CCT4: variants seen among roughly 807,000 people sequenced by gnomAD.
CCT4 encodes chaperonin containing TCP1 subunit 4.
Under a neutral mutation model 62.5 loss-of-function variants are expected in CCT4, and 17 were observed. The observed-to-expected ratio is 0.27, with a 90% CI of 0.19 to 0.41. The LOEUF (loss-of-function observed/expected upper bound fraction) is 0.41. Ranked by LOEUF, CCT4 falls within the 10% of genes least tolerant of loss-of-function variation. CCT4 has a pLI of 1.00. For missense variants in CCT4, 592 were observed against 659.2 expected (o/e 0.90, Z 1.12); for synonymous variants, 250 against 229.9 (o/e 1.09, Z -0.79).
At position 61,883,561 on chromosome 2, in the gene CCT4, T is replaced by G. The variant is rs1669163901; in HGVS notation, c.181-13A>C. The G allele has an allele frequency of 7.2e-7, 1 of 1,383,608 alleles. No homozygotes were observed. Among genetic ancestry groups the G allele is most frequent in the East Asian group, 2.3e-5 (1 of 43,738 alleles). The allele number at this position is 1,383,608 out of a possible 1,614,324, so 85.7% of individuals were successfully genotyped here. A position where few individuals can be genotyped will look rare whatever the true frequency, so the allele number is the denominator to read the frequency against. ...TTCCATCTTGAATCTAGAAAAAAAATTTTAAAGTTATATTTCAATGTCACA... is the reference window on the plus strand; with the variant it reads ...TTCCATCTTGAATCTAGAAAAAAAAGTTTAAAGTTATATTTCAATGTCACA... On this transcript the variant is annotated splice_polypyrimidine_tract_variant and intron_variant, in intron 2 of 13. Coordinates refer to ENST00000394440, the MANE Select transcript of CCT4 (RefSeq NM_006430.4).
chr2:61,868,792 A>T (rs991926329), intron 13 of CCT4, 86 bp from the exon 14 acceptor site: 28 of 953,378 alleles, frequency 2.9e-5, no homozygotes, highest in Non-Finnish European at 1.7e-6. Flanking sequence ...ATAAAAGGAA[A>T]ACCTGTATTA....
chr2:61,883,833 A>G (rs1047782693), intron 2 of CCT4, among the ~76,000 whole-genome samples: 11 of 151,892 alleles, frequency 7.2e-5, no homozygotes, highest in Non-Finnish European at 1.2e-4. Flanking sequence ...AAAATATTAT[A>G]AAGAAGCACT....
rs765189069 is a variant in CCT4 at position 61,888,465 on chromosome 2, C to T, written c.43G>A (p.Ala15Thr). 6.8e-6 allele frequency: 11 copies of T among 1,611,946 alleles called. No individual in the cohort carries two copies. In the Admixed American group the frequency reaches 1.5e-4, roughly 22 times the overall value. ...GCGCCTTTCCCGCGGCCGCCGGCAG[C>T]CCCGGCAGTCGCCCCGCTCCGGGGT... ...VAPRSGATAG[A>T]AGGRGKGAYQ... The change falls in exon 1 of 14, where the codon GCT (alanine) becomes ACT (threonine). Residue 15 changes from alanine to threonine, a missense_variant. Physicochemically the swap from Ala to Thr is moderately conservative, Grantham distance 58. Coordinates refer to ENST00000394440, the MANE Select transcript of CCT4 (RefSeq NM_006430.4).
chr2:61,877,270 C>G (rs184610212), intron 6 of CCT4, 123 bp downstream of exon 6: 6 of 1,105,196 alleles, frequency 5.4e-6, no homozygotes, highest in South Asian at 4.7e-5. Context: ...CAAATTCTCA[C>G]GAAAACAAAA....
At chr2:61,879,240 A>G (rs923750680) in intron 4 of CCT4, among the ~76,000 whole-genome samples, 2 of 149,198 alleles carry the variant, frequency 1.3e-5, no homozygotes, top group African/African-American at 4.9e-5. Flanking sequence ...GGTCTTGACT[A>G]AAACCAAATT....
intron 8 of CCT4, among the ~76,000 whole-genome samples, chr2:61,874,304 GT>G (rs1203618642): frequency 6.6e-6 from 1 of 152,084 alleles, no homozygotes; most frequent in Non-Finnish European, 1.5e-5. Flanking sequence ...CATTAATGGA[GT>G]AAATGGGAAT....
chr2:61,887,643 T>C (rs989689286), intron 1 of CCT4, among the ~76,000 whole-genome samples: 2 of 152,162 alleles, frequency 1.3e-5, no homozygotes, highest in Non-Finnish European at 1.5e-5. Flanking sequence ...AAAGCAAACA[T>C]TTTCCTCCAA....
At chr2:61,883,326 C>T (rs1669157368) in intron 3 of CCT4, 133 bp downstream of exon 3, 9 of 556,416 alleles carry the variant, frequency 1.6e-5, no homozygotes, top group Non-Finnish European at 2.8e-5. Context: ...GAGGCTGAGG[C>T]AGGAGAAATG....
chr2:61,888,207 G>T, intron 1 of CCT4, 174 bp downstream of exon 1: 1 of 749,114 alleles, frequency 1.3e-6, no homozygotes, highest in Non-Finnish European at 2.1e-6. Flanking sequence ...ACTCCGGGTT[G>T]GCGATCATCG....
At chr2:61,882,405 TTTC>T (rs1669138112) in intron 3 of CCT4, among the ~76,000 whole-genome samples, 1 of 152,216 alleles carries the variant, frequency 6.6e-6, no homozygotes, top group South Asian at 2.1e-4. Flanking sequence ...GACAATGAAT[TTTC>T]TTCTGTGGAC....
intron 6 of CCT4, 123 bp from the exon 7 acceptor site, chr2:61,877,175 G>A (rs1669019065): frequency 1.0e-6 from 1 of 966,858 alleles, no homozygotes; most frequent in South Asian, 1.6e-5. Flanking sequence ...ATTTATTATT[G>A]CCCCACTCCT....
In CCT4 at chr2:61,888,370, G is replaced by T. The variant is rs1038822264; in HGVS notation, c.127+11C>A. On this transcript the variant is annotated intron_variant, in intron 1 of 13. Coordinates refer to ENST00000394440, the MANE Select transcript of CCT4 (RefSeq NM_006430.4). ...CCCGCGGCGCCGCGGGTCAGGCCAT[G>T]AGAGTGATACCTTTGGCGGCGGAAA... The T allele has an allele frequency of 6.2e-7, 1 of 1,612,308 alleles. No individual in the cohort carries two copies. Among genetic ancestry groups the T allele is most frequent in the Non-Finnish European group, 8.5e-7 (1 of 1,179,198 alleles).
At position 61,883,549 on chromosome 2, in the gene CCT4, C is replaced by G. The variant is rs1249111702; in HGVS notation, c.181-1G>C. ...TTACATCACCTTTTCCATCTTGAATCTAGAAAAAAAATTTTAAAGTTATAT... is the reference window on the plus strand; with the variant it reads ...TTACATCACCTTTTCCATCTTGAATGTAGAAAAAAAATTTTAAAGTTATAT... On this transcript the variant is annotated splice_acceptor_variant, in intron 2 of 13. Transcript: ENST00000394440. LOFTEE classifies it high-confidence loss of function. 6.5e-7 allele frequency: 1 copy of G among 1,534,424 alleles called. No individual in the cohort carries two copies. Among genetic ancestry groups the G allele is most frequent in the African/African-American group, 1.4e-5 (1 of 72,434 alleles).
At chr2:61,880,730 G>C (rs1176292702) in intron 3 of CCT4, among the ~76,000 whole-genome samples, 1 of 151,880 alleles carries the variant, frequency 6.6e-6, no homozygotes, top group African/African-American at 2.4e-5. Context: ...TTTTGAGACA[G>C]GGTCTTACTC....
chr2:61,871,204 T>C (rs905372161), intron 12 of CCT4, among the ~76,000 whole-genome samples: 1 of 151,904 alleles, frequency 6.6e-6, no homozygotes, highest in Non-Finnish European at 1.5e-5. Context: ...GCTAATTTTT[T>C]TTTTTGCATT....
intron 1 of CCT4, chr2:61,887,829 T>G (rs1185699698): frequency 6.6e-6 from 1 of 152,252 alleles, no homozygotes; most frequent in Admixed American, 6.5e-5. Context: ...GGAGACGACA[T>G]CAACGTAACT....
At chr2:61,888,114 C>A (rs1051819158) in intron 1 of CCT4, 2 of 387,540 alleles carry the variant, frequency 5.2e-6, no homozygotes, top group Non-Finnish European at 9.2e-6. Context: ...CTGCTTTCGG[C>A]TCCAATATGA....
At chr2:61,873,518 T>A (rs778451882) in intron 8 of CCT4, among the ~76,000 whole-genome samples, 1 of 152,148 alleles carries the variant, frequency 6.6e-6, no homozygotes, top group Non-Finnish European at 1.5e-5. Flanking sequence ...AATGACACTA[T>A]AAAACACACG....
At chr2:61,872,978 A>C (rs2105127159) in intron 10 of CCT4, 24 bp downstream of exon 10, 11 of 1,342,582 alleles carry the variant, frequency 8.2e-6, no homozygotes, top group South Asian at 1.2e-5. Flanking sequence ...TAAGCAAATA[A>C]AAATTTAAGT....
Sources: gnomAD v4.1 joint callset for allele counts (sites outside exome capture counted in the v4.1 genomes callset) on GRCh38, gnomAD v4.1.1 for gene constraint, MANE v1.5 for transcripts, NCBI Gene and HGNC (gene_info 2026-07-23, HGNC 2026-07-21) for gene names.